Variants in BRWD1 observed in about 807,000 individuals in gnomAD.
The protein encoded by BRWD1 is bromodomain and WD repeat-containing protein 1.
Under a neutral mutation model 251.2 loss-of-function variants are expected in BRWD1, and 82 were observed. The ratio of observed to expected loss-of-function variants is 0.33; its 90% CI spans 0.27 to 0.39. The LOEUF (loss-of-function observed/expected upper bound fraction) is 0.39. Ranked by LOEUF, BRWD1 falls within the 10% of genes least tolerant of loss-of-function variation. The pLI, the probability that BRWD1 is intolerant of heterozygous loss-of-function variation, is 1.00. For missense variants in BRWD1, 2,233 were observed against 2,711.6 expected, an observed-to-expected ratio of 0.82 and a Z score of 3.92; for synonymous variants, 918 against 902.8, an observed-to-expected ratio of 1.02 and a Z score of -0.30.
At chr21:39,200,106 T>TA (rs2032034542) in intron 39 of BRWD1, 113 bp downstream of exon 39, 2 of 1,053,950 alleles carry the variant, frequency 1.9e-6, no homozygotes, top group Non-Finnish European at 2.7e-6. Flanking sequence ...CTAAGGAACC[T>TA]AAAGGACATT....
chr21:39,237,277 TA>T (rs2033844326), intron 22 of BRWD1, among the ~76,000 whole-genome samples: 1 of 152,208 alleles, frequency 6.6e-6, no homozygotes, highest in African/African-American at 2.4e-5. Context: ...CTGAAAGCCT[TA>T]AGTAGTCAGT....
At chr21:39,312,394 C>G (rs1370061001) in intron 4 of BRWD1, among the ~76,000 whole-genome samples, 1 of 152,244 alleles carries the variant, frequency 6.6e-6, no homozygotes, top group Admixed American at 6.5e-5. Flanking sequence ...CATTTCTCCA[C>G]CTTCAGAGAC....
chr21:39,228,357 A>C, intron 27 of BRWD1, 143 bp downstream of exon 27: 1 of 599,330 alleles, frequency 1.7e-6, no homozygotes, highest in South Asian at 2.5e-5. Context: ...CCGTAAGCAA[A>C]ATATATTTAT....
intron 39 of BRWD1, 149 bp downstream of exon 39, chr21:39,200,070 T>C: frequency 2.4e-6 from 2 of 825,600 alleles, no homozygotes; most frequent in South Asian, 4.4e-5. Context: ...CACTTTTTAA[T>C]GCCAAAATTC....
At chr21:39,294,876 T>G (rs116009920) in intron 7 of BRWD1, among the ~76,000 whole-genome samples, 2,313 of 152,226 alleles carry the variant, frequency 0.015, 57 homozygotes, top group African/African-American at 0.053. Flanking sequence ...CTCTTGAATT[T>G]TACACCCACA....
At chr21:39,309,707 C>T (rs1384515628) in intron 4 of BRWD1, among the ~76,000 whole-genome samples, 1 of 151,948 alleles carries the variant, frequency 6.6e-6, no homozygotes, top group Non-Finnish European at 1.5e-5. Flanking sequence ...CGCCTGTAGT[C>T]CCAGCTACTC....
intron 3 of BRWD1, 59 bp from the exon 4 acceptor site, chr21:39,312,959 GC>G (rs1555880429): frequency 4.3e-6 from 2 of 469,736 alleles, no homozygotes; most frequent in African/African-American, 2.1e-5. Context: ...GGGGCGGGGG[GC>G]GGGGGGCCGG....
chr21:39,313,144 G>C (rs910460189), intron 2 of BRWD1, 43 bp from the exon 3 acceptor site: 2 of 1,495,218 alleles, frequency 1.3e-6, no homozygotes, highest in Admixed American at 4.6e-5. Context: ...GTCGGGCCCG[G>C]GGCGCTCCCG....
At chr21:39,296,445 A>G in intron 5 of BRWD1, 82 bp from the exon 6 acceptor site, 1 of 1,380,028 alleles carries the variant, frequency 7.2e-7, no homozygotes, top group Non-Finnish European at 9.4e-7. Flanking sequence ...CGTATATTGT[A>G]ATAAACTGTT....
At chr21:39,265,358 G>A (rs1370736263) in intron 15 of BRWD1, among the ~76,000 whole-genome samples, 1 of 152,158 alleles carries the variant, frequency 6.6e-6, no homozygotes, top group Non-Finnish European at 1.5e-5. Flanking sequence ...CGGGGAGGCA[G>A]GGGTTGCAGT....
chr21:39,194,369 G>C lies in BRWD1; in HGVS notation c.*1890C>G. 1 of 1,087,908 alleles carries C rather than the reference G, an allele frequency of 9.2e-7. No individual in the cohort carries two copies. Among genetic ancestry groups the C allele is most frequent in the Non-Finnish European group, 1.1e-6 (1 of 895,686 alleles). The allele number at this position is 1,087,908 out of a possible 1,614,324, so 67.4% of individuals were successfully genotyped here. On this transcript the variant is annotated 3_prime_UTR_variant, in exon 41 of 41. Coordinates refer to ENST00000342449, the MANE Select transcript of BRWD1 (RefSeq NM_033656.4). Reference sequence around the variant, plus strand: ...AGAGTTTAAATAAATTAATGGATTTGACATCTATCACCAGTTTTTAAAATT... The same window carrying C: ...AGAGTTTAAATAAATTAATGGATTTCACATCTATCACCAGTTTTTAAAATT...
At chr21:39,276,354 A>T in intron 11 of BRWD1, 141 bp from the exon 12 acceptor site, 1 of 527,202 alleles carries the variant, frequency 1.9e-6, no homozygotes, top group Non-Finnish European at 3.2e-6. Flanking sequence ...GTCATTCAAC[A>T]TGTTTTATAA....
chr21:39,296,251 C>T lies in BRWD1; in HGVS notation c.448+14G>A. 6.4e-7 allele frequency: 1 copy of T among 1,574,304 alleles called. No homozygotes were observed. ...ACAATTATTTCAGGCATCTCAAAGG[C>T]CAACCTTACTTACCAAGATTTGGTG... On this transcript the variant is annotated intron_variant, in intron 6 of 40. Transcript: ENST00000342449.
chr21:39,270,938 C>T (rs781447079), intron 13 of BRWD1, among the ~76,000 whole-genome samples: 4 of 152,250 alleles, frequency 2.6e-5, no homozygotes, highest in Non-Finnish European at 5.9e-5. Flanking sequence ...TCTACTCCTA[C>T]AGGCCCCTTG....
At chr21:39,238,068 G>A (rs2033872011) in intron 22 of BRWD1, among the ~76,000 whole-genome samples, 2 of 152,088 alleles carry the variant, frequency 1.3e-5, no homozygotes, top group Non-Finnish European at 2.9e-5. Flanking sequence ...AGGATCTGTT[G>A]AGATGAAGGT....
intron 36 of BRWD1, among the ~76,000 whole-genome samples, chr21:39,207,659 C>T (rs2032470448): frequency 6.6e-6 from 1 of 152,154 alleles, no homozygotes; most frequent in South Asian, 2.1e-4. Flanking sequence ...TAGGTCTATA[C>T]CCAAGGGAAT....
At chr21:39,303,584 C>G (rs1396994243) in intron 4 of BRWD1, among the ~76,000 whole-genome samples, 1 of 150,874 alleles carries the variant, frequency 6.6e-6, no homozygotes, top group Non-Finnish European at 1.5e-5. Context: ...CAGGCGAGGT[C>G]CACTTTGGGA....
chr21:39,301,989 T>G (rs868147379), intron 4 of BRWD1, among the ~76,000 whole-genome samples: 24 of 137,154 alleles, frequency 1.7e-4, no homozygotes, highest in Non-Finnish European at 2.8e-4. Flanking sequence ...TTTTTTTTTT[T>G]TTTTTTTTTT....
Position 39,236,753 on chromosome 21 carries a change from C to G in BRWD1, c.2608G>C (p.Ala870Pro). Residue 870 changes from alanine (A) to proline (P), a missense_variant, in exon 23 of 41, where the codon GCT becomes CCT. Coordinates refer to ENST00000342449, the MANE Select transcript of BRWD1 (RefSeq NM_033656.4). ...GGCTGCAAATTGATGCCCGCATCAG[C>G]TGTCCAATCGGAATATCTAGATGAA... ...DSSSRYSDWTADAGINLQPPL... is the reference protein window; with the variant it reads ...DSSSRYSDWTPDAGINLQPPL... 6.2e-7 allele frequency: 1 copy of G among 1,613,890 alleles called. No individual in the cohort carries two copies. Among genetic ancestry groups the G allele is most frequent in the Non-Finnish European group, 8.5e-7 (1 of 1,179,964 alleles).
Sources: gnomAD v4.1 joint callset for allele counts (sites outside exome capture counted in the v4.1 genomes callset) on GRCh38, gnomAD v4.1.1 for gene constraint, MANE v1.5 for transcripts, NCBI Gene and HGNC (gene_info 2026-07-23, HGNC 2026-07-21) for gene names.